Variants in GPHN observed in about 807,000 individuals in gnomAD.
The protein encoded by GPHN is gephyrin.
GPHN carries 17 observed loss-of-function variants against 95.5 expected under a neutral mutation model. The ratio of observed to expected loss-of-function variants is 0.18; its 90% CI spans 0.12 to 0.27. GPHN has a LOEUF of 0.27. GPHN is among the 10% of genes least tolerant of loss of function. The pLI, the probability that GPHN is intolerant of heterozygous loss-of-function variation, is 1.00. For missense variants in GPHN, 660 were observed against 978.1 expected, an observed-to-expected ratio of 0.67 and a Z score of 4.34; for synonymous variants, 320 against 322.5, an observed-to-expected ratio of 0.99 and a Z score of 0.08.
At chr14:67,003,183 G>GT (rs1033016928) in intron 9 of GPHN, among the ~76,000 whole-genome samples, 2 of 151,550 alleles carry the variant, frequency 1.3e-5, no homozygotes, top group Non-Finnish European at 3.0e-5. Flanking sequence ...AGGAATAGTG[G>GT]TTTTTTATTA....
At chr14:66,540,430 G>C (rs1347258319) in intron 1 of GPHN, among the ~76,000 whole-genome samples, 1 of 152,080 alleles carries the variant, frequency 6.6e-6, no homozygotes, top group Non-Finnish European at 1.5e-5. Flanking sequence ...AAAGTGGAGT[G>C]AATAATTACA....
the GPHN span, among the ~76,000 whole-genome samples, chr14:67,548,671 C>T: frequency 2.6e-5 from 4 of 152,004 alleles, no homozygotes; most frequent in Non-Finnish European, 5.9e-5. Flanking sequence ...CACTCCAGCT[C>T]GGGCGACAAG....
intron 8 of GPHN, among the ~76,000 whole-genome samples, chr14:66,957,323 G>A (rs2153582559): frequency 6.6e-6 from 1 of 150,474 alleles, no homozygotes; most frequent in African/African-American, 2.4e-5. Flanking sequence ...AGCCTCCCAG[G>A]TAGCTGGGAT....
At chr14:67,469,766 G>A in the GPHN span, among the ~76,000 whole-genome samples, 1 of 152,282 alleles carries the variant, frequency 6.6e-6, no homozygotes, top group East Asian at 1.9e-4. Flanking sequence ...GGCTGCCAGG[G>A]AGGAGTGCAG....
intron 1 of GPHN, among the ~76,000 whole-genome samples, chr14:66,624,486 T>C (rs2063443471): frequency 6.6e-6 from 1 of 152,206 alleles, no homozygotes; most frequent in South Asian, 2.1e-4. Flanking sequence ...TCTGGTTCTC[T>C]GATAGCTTAA....
chr14:67,312,840 G>T, the GPHN span: 1 of 709,126 alleles, frequency 1.4e-6, no homozygotes, highest in Admixed American at 3.6e-5. Context: ...CGTGTAGTTG[G>T]GTTTTTATGT....
the GPHN span, among the ~76,000 whole-genome samples, chr14:67,497,040 C>T: frequency 1.3e-5 from 2 of 151,940 alleles, no homozygotes; most frequent in African/African-American, 4.8e-5. Context: ...GATCGGCCCG[C>T]CTCAGCCTCC....
At chr14:67,323,738 T>C in the GPHN span, 1 of 1,601,718 alleles carries the variant, frequency 6.2e-7, no homozygotes, top group Admixed American at 1.8e-5. Flanking sequence ...TTTGAAACCA[T>C]ATATTATCTT....
At chr14:67,021,497 G>A (rs1193786562) in intron 9 of GPHN, among the ~76,000 whole-genome samples, 1 of 152,118 alleles carries the variant, frequency 6.6e-6, no homozygotes, top group Non-Finnish European at 1.5e-5. Flanking sequence ...TTCAATTCAT[G>A]TTATGAATGA....
chr14:67,049,648 G>C (rs1168602171), intron 10 of GPHN, among the ~76,000 whole-genome samples: 3 of 151,846 alleles, frequency 2.0e-5, no homozygotes, highest in African/African-American at 4.8e-5. Context: ...GAGTAGCTGG[G>C]ACTACAGGCA....
intron 2 of GPHN, among the ~76,000 whole-genome samples, chr14:66,750,029 T>C (rs1173396241): frequency 6.6e-6 from 1 of 151,908 alleles, no homozygotes; most frequent in Non-Finnish European, 1.5e-5. Context: ...TTTTTATATG[T>C]ACAATAAATT....
the GPHN span, among the ~76,000 whole-genome samples, chr14:67,329,484 G>C: frequency 6.6e-6 from 1 of 152,130 alleles, no homozygotes; most frequent in South Asian, 2.1e-4. Context: ...TCTCCTGCCT[G>C]ATTGCCCTGG....
the GPHN span, among the ~76,000 whole-genome samples, chr14:67,239,855 C>CAAACAA: frequency 0.012 from 1,838 of 152,266 alleles, 19 homozygotes; most frequent in Non-Finnish European, 0.018. Flanking sequence ...AACTCCGTCT[C>CAAACAA]AAACAAAAAC....
the GPHN span, chr14:67,225,265 G>T: frequency 1.5e-5 from 22 of 1,496,064 alleles, no homozygotes; most frequent in Non-Finnish European, 1.9e-5. Flanking sequence ...ACAAACTAAA[G>T]GTAACTTTTT....
chr14:67,178,281 G>A (rs1365574694), intron 21 of GPHN, among the ~76,000 whole-genome samples: 1 of 152,176 alleles, frequency 6.6e-6, no homozygotes, highest in African/African-American at 2.4e-5. Context: ...CCCAGCATTT[G>A]CTTGTCTGTA....
chr14:67,396,285 C>T, the GPHN span, among the ~76,000 whole-genome samples: 27,342 of 137,184 alleles, frequency 0.2, 532 homozygotes, highest in African/African-American at 0.42. Flanking sequence ...GTAGATGGGA[C>T]TACAGACGCC....
intron 22 of GPHN, 55 bp from the exon 23 acceptor site, chr14:67,180,749 C>T: frequency 6.4e-7 from 1 of 1,573,534 alleles, no homozygotes; most frequent in Non-Finnish European, 8.7e-7. Context: ...CTACAAGGGC[C>T]CAACTGTATA....
At chr14:66,815,639 C>T (rs1420123190) in intron 3 of GPHN, among the ~76,000 whole-genome samples, 3 of 152,192 alleles carry the variant, frequency 2.0e-5, no homozygotes, top group Non-Finnish European at 4.4e-5. Flanking sequence ...ACCAGACCTA[C>T]CTTACAAGAG....
chr14:67,412,451 A>G, the GPHN span, among the ~76,000 whole-genome samples: 1 of 152,040 alleles, frequency 6.6e-6, no homozygotes, highest in Non-Finnish European at 1.5e-5. Context: ...AACATAACCG[A>G]CAGGACTCCA....
Sources: allele counts gnomAD v4.1 joint callset (sites outside exome capture counted in the v4.1 genomes callset), GRCh38; gene constraint gnomAD v4.1.1; transcripts MANE v1.5; gene names NCBI Gene and HGNC (gene_info 2026-07-23, HGNC 2026-07-21).